SPG7: variants seen among roughly 807,000 people sequenced by gnomAD.
SPG7 encodes the protein SPG7 matrix AAA peptidase subunit, paraplegin.
SPG7 carries 103 observed loss-of-function variants against 81.9 expected under a neutral mutation model. That is an observed-to-expected ratio of 1.26 (90% CI 1.07 to 1.48). The LOEUF (loss-of-function observed/expected upper bound fraction) is 1.48, where lower values mean the gene tolerates loss of function less well. Ranked by LOEUF, SPG7 falls within the 40% of genes most tolerant of loss-of-function variation. The probability of loss-of-function intolerance (pLI) is 0.00; values close to 1 mark genes in which losing one functional copy is unlikely to be tolerated. For synonymous variants in SPG7, 534 were observed against 444.2 expected (o/e 1.20, Z -2.54); for missense variants, 1,241 against 1,087.3 (o/e 1.14, Z -1.99).
At chr16:89,514,012 G>A (rs936656384) in intron 3 of SPG7, among the ~76,000 whole-genome samples, 1 of 152,078 alleles carries the variant, frequency 6.6e-6, no homozygotes, top group East Asian at 1.9e-4. Flanking sequence ...ATTTGCCAAG[G>A]CCAGGGACAG....
intron 3 of SPG7, among the ~76,000 whole-genome samples, chr16:89,515,701 C>A (rs1276461789): frequency 6.9e-6 from 1 of 145,360 alleles, no homozygotes; most frequent in African/African-American, 2.6e-5. Context: ...ATTATTATTA[C>A]TATTATTATT....
chr16:89,546,571 A>ACC (rs35936864), intron 10 of SPG7, 87 bp from the exon 11 acceptor site: 87 of 774,880 alleles, frequency 1.1e-4, no homozygotes, highest in African/African-American at 4.9e-4. Context: ...CTACTTGGGG[A>ACC]CCCCCCCCCC....
chr16:89,540,547 C>T (rs2058481152), intron 9 of SPG7: 1 of 152,362 alleles, frequency 6.6e-6, no homozygotes, highest in East Asian at 1.9e-4. Flanking sequence ...GGTCACCCCA[C>T]TGCACTCCAG....
chr16:89,537,493 G>A, intron 9 of SPG7: 1 of 999,496 alleles, frequency 1.0e-6, no homozygotes. Flanking sequence ...CTGACGTGCA[G>A]CCACACACAG....
In SPG7 at chr16:89,530,641, C is replaced by T. The variant is rs563929573; in HGVS notation, c.862-42C>T. 5 of 1,613,900 alleles carry T rather than the reference C, an allele frequency of 3.1e-6. No homozygotes were observed. The South Asian group carries it at 4.4e-5, about 14-fold the overall frequency. ...GCGCTGGCATCGTGCTGCTGATTTC[C>T]TGACTTCGCCCAGCTCCTTGCACTT... On this transcript the variant is annotated intron_variant, in intron 6 of 16. Coordinates refer to ENST00000645818, the MANE Select transcript of SPG7 (RefSeq NM_003119.4).
intron 3 of SPG7, chr16:89,522,533 A>C (rs1459937292): frequency 6.6e-6 from 1 of 151,256 alleles, no homozygotes; most frequent in Non-Finnish European, 1.5e-5. Flanking sequence ...GGTGTTCTGG[A>C]AATGACGTCG....
chr16:89,545,251 C>G, intron 10 of SPG7: 1 of 278,554 alleles, frequency 3.6e-6, no homozygotes, highest in Non-Finnish European at 7.0e-6. Context: ...TGAGGCCTCT[C>G]GCCTGATCCC....
Position 89,508,533 on chromosome 16 carries a change from G to A in SPG7, c.116G>A (p.Arg39Lys), listed in dbSNP as rs1037021387. 4 of 1,512,474 alleles carry A rather than the reference G, an allele frequency of 2.6e-6. No homozygotes were observed. The highest frequency in any genetic ancestry group is 1.2e-5 in the South Asian group (1 of 81,458). The allele number at this position is 1,512,474 out of a possible 1,614,324, so 93.7% of individuals were successfully genotyped here. Residue 39 changes from arginine to lysine, a missense_variant, in exon 1 of 17, where the codon AGG (arginine) becomes AAG (lysine). By Grantham distance (26) the Arg-to-Lys change is conservative. Transcript: ENST00000645818. ...WSPGFPARPG[R>K]GRPYMASRPP... ...CCAGGGTTCCCCGCCAGGCCCGGGAGGGGGCGGCCGTACATGGCCAGCAGG... is the reference window on the plus strand; with the variant it reads ...CCAGGGTTCCCCGCCAGGCCCGGGAAGGGGCGGCCGTACATGGCCAGCAGG...
intron 9 of SPG7, chr16:89,544,391 G>C (rs1268289263): frequency 2.2e-6 from 1 of 449,346 alleles, no homozygotes; most frequent in Non-Finnish European, 4.2e-6. Flanking sequence ...CCAGGATGCT[G>C]TAGGAGCTCC....
intron 10 of SPG7, 92 bp downstream of exon 10, chr16:89,544,864 T>G: frequency 6.7e-7 from 1 of 1,496,750 alleles, no homozygotes; most frequent in Admixed American, 1.7e-5. Flanking sequence ...CACTTCTTGG[T>G]GTGAAGCCTG....
intron 12 of SPG7, chr16:89,548,848 G>C (rs147735763): frequency 2.3e-6 from 1 of 435,762 alleles, no homozygotes; most frequent in African/African-American, 2.0e-5. Flanking sequence ...CAGGTTGAAC[G>C]TTTGAAAAGG....
At chr16:89,525,483 G>C (rs1386062440) in intron 4 of SPG7, among the ~76,000 whole-genome samples, 1 of 152,340 alleles carries the variant, frequency 6.6e-6, no homozygotes, top group East Asian at 1.9e-4. Context: ...TGTCTTAGCA[G>C]TTTGGGGTGT....
intron 5 of SPG7, among the ~76,000 whole-genome samples, chr16:89,528,411 A>AAT (rs201889628): frequency 4.1e-5 from 6 of 146,008 alleles, no homozygotes; most frequent in East Asian, 4.3e-4. Context: ...AAAAAAAAAA[A>AAT]GAAGAAGATG....
At position 89,547,362 on chromosome 16, in the gene SPG7, A is replaced by G. The variant is rs111850673; in HGVS notation, c.1552+602A>G. 855 of 178,360 alleles carry G rather than the reference A, an allele frequency of 4.8e-3. 7 individuals are homozygous for G. The highest frequency in any genetic ancestry group is 0.019 in the African/African-American group (818 of 41,996). The allele number at this position is 178,360 out of a possible 1,614,324, so 11.0% of individuals were successfully genotyped here. A position where few individuals can be genotyped will look rare whatever the true frequency, so the allele number is the denominator to read the frequency against. On this transcript the variant is annotated intron_variant, in intron 11 of 16. Coordinates refer to ENST00000645818, the MANE Select transcript of SPG7 (RefSeq NM_003119.4). Reference sequence around the variant, plus strand: ...CAGCCACAAGATGGGGTGTGGAACTAACTGCCCTTGGGAGGAGAGACGGGC... The same window carrying G: ...CAGCCACAAGATGGGGTGTGGAACTGACTGCCCTTGGGAGGAGAGACGGGC...
chr16:89,540,347 G>A (rs554276014), intron 9 of SPG7: 2 of 152,186 alleles, frequency 1.3e-5, no homozygotes, highest in South Asian at 2.1e-4. Flanking sequence ...AGCATTTTGC[G>A]CGTCTGAGTT....
chr16:89,544,882 C>A, intron 10 of SPG7, 110 bp downstream of exon 10: 2 of 1,350,832 alleles, frequency 1.5e-6, no homozygotes, highest in Non-Finnish European at 2.1e-6. Context: ...CTGTCACAGC[C>A]CCACAGGTGC....
At chr16:89,546,090 C>CT in intron 10 of SPG7, 1 of 276,958 alleles carries the variant, frequency 3.6e-6, no homozygotes, top group Non-Finnish European at 7.1e-6. Flanking sequence ...CAAGAGCGTT[C>CT]TCTTTTTTTT....
intron 4 of SPG7, 28 bp downstream of exon 4, chr16:89,524,275 G>A (rs201624423): frequency 6.3e-7 from 1 of 1,596,056 alleles, no homozygotes; most frequent in Non-Finnish European, 8.5e-7. Flanking sequence ...AGGCCTGTGA[G>A]TGAGGGTGTG....
intron 9 of SPG7, among the ~76,000 whole-genome samples, chr16:89,534,507 A>G (rs535358185): frequency 1.4e-4 from 21 of 152,278 alleles, no homozygotes; most frequent in Non-Finnish European, 2.8e-4. Context: ...TTCTAGTTAC[A>G]TTTTAGGTAT....
Sources: gnomAD v4.1 joint callset for allele counts (sites outside exome capture counted in the v4.1 genomes callset) on GRCh38, gnomAD v4.1.1 for gene constraint, MANE v1.5 for transcripts, NCBI Gene and HGNC (gene_info 2026-07-23, HGNC 2026-07-21) for gene names.